The following MACROD1 variants were observed in gnomAD, a reference collection of about 807,000 sequenced individuals.
MACROD1 encodes the protein ADP-ribose glycohydrolase MACROD1.
In MACROD1, 31 loss-of-function variants were observed where a neutral mutation model predicts 41.4. The ratio of observed to expected loss-of-function variants is 0.75; its 90% CI spans 0.56 to 1.01. MACROD1 has a LOEUF of 1.01. Among genes scored for constraint, MACROD1 ranks in the 50% least tolerant of loss-of-function variants. MACROD1 has a pLI of 0.00. For synonymous variants in MACROD1, 252 were observed against 203.4 expected (o/e 1.24, Z -2.03); for missense variants, 473 against 460.0 (o/e 1.03, Z -0.26).
At chr11:64,103,585 TA>T (rs35726613) in intron 3 of MACROD1, 166 of 140,422 alleles carry the variant, frequency 1.2e-3, no homozygotes, top group Non-Finnish European at 1.3e-3. Context: ...TTAAAGGAAT[TA>T]AAAAAAAAAA....
intron 3 of MACROD1, among the ~76,000 whole-genome samples, chr11:64,039,727 CCCCCAGAGCACTG>C (rs1943449980): frequency 1.3e-5 from 2 of 152,212 alleles, no homozygotes; most frequent in Non-Finnish European, 2.9e-5. Flanking sequence ...TCGCTCGAGG[CCCCCAGAGCACTG>C]CCGCTCCCCG....
intron 3 of MACROD1, among the ~76,000 whole-genome samples, chr11:64,108,249 G>T (rs1416316491): frequency 6.6e-6 from 1 of 151,562 alleles, no homozygotes; most frequent in African/African-American, 2.4e-5. Flanking sequence ...GGAGGCAGAG[G>T]TTGCGGTGAG....
intron 3 of MACROD1, among the ~76,000 whole-genome samples, chr11:64,129,291 C>T (rs1044222049): frequency 6.6e-6 from 1 of 152,236 alleles, no homozygotes; most frequent in Non-Finnish European, 1.5e-5. Flanking sequence ...GCTACTCATC[C>T]TCTCTGTGCC....
intron 3 of MACROD1, among the ~76,000 whole-genome samples, chr11:64,046,058 T>C (rs1943578704): frequency 6.6e-6 from 1 of 151,896 alleles, no homozygotes; most frequent in African/African-American, 2.4e-5. Context: ...TATTATTCCC[T>C]TTTTACACAT....
chr11:64,072,910 A>T (rs552375143), intron 3 of MACROD1, among the ~76,000 whole-genome samples: 32 of 152,260 alleles, frequency 2.1e-4, no homozygotes, highest in African/African-American at 7.0e-4. Context: ...TTCTCAAAAG[A>T]GTCAGGTTCT....
At chr11:64,137,698 A>G (rs1460991172) in intron 3 of MACROD1, among the ~76,000 whole-genome samples, 1 of 152,140 alleles carries the variant, frequency 6.6e-6, no homozygotes, top group African/African-American at 2.4e-5. Context: ...GGAAGGCCAC[A>G]CACCAGCATC....
intron 3 of MACROD1, among the ~76,000 whole-genome samples, chr11:64,137,229 C>T (rs958085440): frequency 6.6e-5 from 10 of 152,290 alleles, no homozygotes; most frequent in East Asian, 1.9e-4. Context: ...GGCCAGCTGC[C>T]GTGAGCACGA....
intron 3 of MACROD1, among the ~76,000 whole-genome samples, chr11:64,084,057 G>C (rs890946213): frequency 6.6e-6 from 1 of 152,192 alleles, no homozygotes; most frequent in Non-Finnish European, 1.5e-5. Context: ...GGCAGAGACT[G>C]AGGTTTCCAT....
At chr11:64,110,019 C>T (rs1213501721) in intron 3 of MACROD1, among the ~76,000 whole-genome samples, 2 of 152,102 alleles carry the variant, frequency 1.3e-5, no homozygotes, top group African/African-American at 2.4e-5. Flanking sequence ...ATCCAGATCA[C>T]ACTCAGGAGG....
At chr11:64,141,359 C>T (rs1945411361) in intron 3 of MACROD1, among the ~76,000 whole-genome samples, 1 of 152,224 alleles carries the variant, frequency 6.6e-6, no homozygotes, top group South Asian at 2.1e-4. Context: ...CAAGTCAACG[C>T]ACCCACAGAC....
chr11:64,164,717 C>T (rs1037468755), intron 1 of MACROD1, among the ~76,000 whole-genome samples: 1 of 152,014 alleles, frequency 6.6e-6, no homozygotes, highest in South Asian at 2.1e-4. Context: ...AGGACCCCCC[C>T]ATCCTGCCTG....
chr11:64,100,067 G>A (rs866283798), intron 3 of MACROD1, among the ~76,000 whole-genome samples: 1 of 152,198 alleles, frequency 6.6e-6, no homozygotes, highest in African/African-American at 2.4e-5. Context: ...CACTGCTACA[G>A]GTTGTATAAC....
chr11:64,078,823 G>A (rs915675641), intron 3 of MACROD1, among the ~76,000 whole-genome samples: 1 of 152,140 alleles, frequency 6.6e-6, no homozygotes, highest in African/African-American at 2.4e-5. Context: ...TGTGGGGGCA[G>A]GGGCCAGCTT....
At position 64,165,997 on chromosome 11, in the gene MACROD1, G is replaced by A; in HGVS notation, c.-3C>T. 1 of 1,262,124 alleles carries A rather than the reference G, an allele frequency of 7.9e-7. No individual in the cohort carries two copies. The highest frequency in any genetic ancestry group is 9.9e-7 in the Non-Finnish European group (1 of 1,007,174). The allele number at this position is 1,262,124 out of a possible 1,614,324, so 78.2% of individuals were successfully genotyped here. The stretch of plus-strand genomic sequence containing the variant: ...GACAGTCGGCTCTGTAGAGACATGA[G>A]CGGGCGGCGCGGGACGGCTCTCCGC... On this transcript the variant is annotated 5_prime_UTR_variant, in exon 1 of 11. Coordinates refer to ENST00000255681, the MANE Select transcript of MACROD1 (RefSeq NM_014067.4).
chr11:64,024,598 A>G (rs563391), intron 3 of MACROD1, among the ~76,000 whole-genome samples: 49,770 of 152,168 alleles, frequency 0.33, 10,154 homozygotes, highest in Non-Finnish European at 0.46. Flanking sequence ...GCATAACCAT[A>G]AGCATCCCTG....
rs188420020 is a variant in MACROD1, at chr11:64,115,968, A to T, written c.517+35271T>A. 1.8e-4 allele frequency among the ~76,000 whole-genome samples: 28 copies of T among 152,332 alleles called. No homozygotes were observed. In the East Asian group the frequency reaches 5.0e-3, roughly 27 times the overall value. ...GGCCGCGGCAGCACGGGTCTCATTA[A>T]TGCGCAGCCTCTTGGCTCCTGATAA... On this transcript the variant is annotated intron_variant, in intron 3 of 10. Transcript: ENST00000255681.
chr11:64,075,699 T>C (rs548711499), intron 3 of MACROD1, among the ~76,000 whole-genome samples: 163 of 152,050 alleles, frequency 1.1e-3, no homozygotes, highest in African/African-American at 3.2e-3. Flanking sequence ...TGAGATGGAG[T>C]TGCGCTCTTC....
intron 3 of MACROD1, chr11:64,117,619 T>A (rs1474606512): frequency 6.2e-7 from 1 of 1,613,630 alleles, no homozygotes; most frequent in Non-Finnish European, 8.5e-7. Flanking sequence ...GCAGACTCCA[T>A]CCGCATCACG....
chr11:64,066,964 C>G (rs1237933263), intron 3 of MACROD1, among the ~76,000 whole-genome samples: 1 of 152,214 alleles, frequency 6.6e-6, no homozygotes, highest in Non-Finnish European at 1.5e-5. Context: ...TACGGAGGGT[C>G]ACACAGAGCC....
Sources: gnomAD v4.1 joint callset for allele counts (sites outside exome capture counted in the v4.1 genomes callset) on GRCh38, gnomAD v4.1.1 for gene constraint, MANE v1.5 for transcripts, NCBI Gene and HGNC (gene_info 2026-07-23, HGNC 2026-07-21) for gene names.